Variants in PLPP1 observed in about 807,000 individuals in gnomAD.
PLPP1 encodes the protein lipid phosphate phosphohydrolase 1a.
Under a neutral mutation model 31.2 loss-of-function variants are expected in PLPP1, and 24 were observed. The observed-to-expected ratio is 0.77, with a 90% CI of 0.56 to 1.08. The LOEUF is 1.08. Among genes scored for constraint, PLPP1 ranks in the 50% least tolerant of loss-of-function variants. The pLI is 0.00. For synonymous variants in PLPP1, 146 were observed against 126.3 expected (o/e 1.16, Z -1.05); for missense variants, 319 against 342.7 (o/e 0.93, Z 0.55).
At chr5:55,505,934 G>A (rs1753265035) in intron 1 of PLPP1, among the ~76,000 whole-genome samples, 1 of 152,168 alleles carries the variant, frequency 6.6e-6, no homozygotes, top group African/African-American at 2.4e-5. Context: ...GCGCATGCCT[G>A]TGCTCCCAGC....
chr5:55,517,897 G>A (rs951026819), intron 1 of PLPP1, among the ~76,000 whole-genome samples: 1 of 152,180 alleles, frequency 6.6e-6, no homozygotes. Flanking sequence ...GCCCAGGCTG[G>A]AGTGCAGTGG....
intron 1 of PLPP1, among the ~76,000 whole-genome samples, chr5:55,512,573 A>G (rs964132583): frequency 5.3e-5 from 8 of 150,138 alleles, no homozygotes; most frequent in African/African-American, 1.7e-4. Flanking sequence ...AGAAAGAAAG[A>G]AAGGTAACAT....
intron 3 of PLPP1, among the ~76,000 whole-genome samples, chr5:55,444,134 T>G (rs7705476): frequency 5.5e-4 from 83 of 149,788 alleles, no homozygotes; most frequent in African/African-American, 1.9e-3. Flanking sequence ...CAGACTGGAG[T>G]GCAGTGGTGC....
At chr5:55,458,662 T>C (rs1231122403) in intron 3 of PLPP1, among the ~76,000 whole-genome samples, 18 of 151,580 alleles carry the variant, frequency 1.2e-4, no homozygotes, top group Admixed American at 1.2e-3. Context: ...CCAAGGTGGG[T>C]GGATCACCTG....
At chr5:55,441,997 T>C in intron 3 of PLPP1, 89 bp from the exon 4 acceptor site, 2 of 1,227,164 alleles carry the variant, frequency 1.6e-6, no homozygotes, top group Non-Finnish European at 2.4e-6. Context: ...AGTTTCAGAG[T>C]GTACACAACT....
intron 5 of PLPP1, 189 bp downstream of exon 5, chr5:55,425,674 C>CTAAGT (rs1554035908): frequency 8.8e-5 from 45 of 512,556 alleles, no homozygotes; most frequent in African/African-American, 8.4e-4. Flanking sequence ...TACAAAACTA[C>CTAAGT]TAAGTTTTAG....
chr5:55,527,766 G>A (rs1740518412), intron 1 of PLPP1, among the ~76,000 whole-genome samples: 1 of 152,196 alleles, frequency 6.6e-6, no homozygotes, highest in South Asian at 2.1e-4. Flanking sequence ...GCTAGGGAAG[G>A]GTTATTAGAA....
At chr5:55,438,312 C>T (rs554393544) in intron 4 of PLPP1, among the ~76,000 whole-genome samples, 87 of 152,274 alleles carry the variant, frequency 5.7e-4, no homozygotes, top group African/African-American at 2.0e-3. Flanking sequence ...CTCCCGCAGG[C>T]CTGGGAGGTT....
chr5:55,483,267 T>A (rs1222980605), intron 1 of PLPP1, among the ~76,000 whole-genome samples: 3 of 152,194 alleles, frequency 2.0e-5, no homozygotes, highest in African/African-American at 7.2e-5. Flanking sequence ...ATAGTGAAAA[T>A]CTGATTAATC....
intron 1 of PLPP1, chr5:55,484,770 G>A (rs1752741917): frequency 6.6e-6 from 1 of 152,172 alleles, no homozygotes; most frequent in Admixed American, 6.5e-5. Context: ...CATGTGATTA[G>A]GGGGACAGGG....
rs772238128 is a variant in PLPP1, at chr5:55,428,337, C to T, written c.550-2298G>A. Among the ~76,000 whole-genome samples the T allele has an allele frequency of 4.9e-4, 75 of 152,262 alleles. 1 individual carries two copies. Among genetic ancestry groups the T allele is most frequent in the Non-Finnish European group, 5.9e-4 (40 of 68,014 alleles). On this transcript the variant is annotated intron_variant, in intron 4 of 5. Coordinates refer to ENST00000307259, the MANE Select transcript of PLPP1 (RefSeq NM_003711.4). ...TTCCTATGTGCCCATACTGCGTTTC[C>T]CTGGGTCAGGGTACTCGGTGTAGCT...
At chr5:55,462,662 A>G (rs1421267972) in intron 3 of PLPP1, among the ~76,000 whole-genome samples, 1 of 152,212 alleles carries the variant, frequency 6.6e-6, no homozygotes, top group Non-Finnish European at 1.5e-5. Context: ...TTTAAGCTTG[A>G]AAAACCACCA....
chr5:55,524,668 G>A (rs562741246), intron 1 of PLPP1, among the ~76,000 whole-genome samples: 3 of 151,964 alleles, frequency 2.0e-5, no homozygotes, highest in Admixed American at 6.6e-5. Flanking sequence ...AAATTAGCCC[G>A]ACGTGGTGGT....
intron 1 of PLPP1, among the ~76,000 whole-genome samples, chr5:55,489,813 T>C (rs1752849377): frequency 6.6e-6 from 1 of 152,178 alleles, no homozygotes; most frequent in South Asian, 2.1e-4. Context: ...GTAAGTCATA[T>C]ATCTAGGAAA....
At chr5:55,470,113 TAC>T (rs1266055166) in intron 2 of PLPP1, among the ~76,000 whole-genome samples, 1 of 152,214 alleles carries the variant, frequency 6.6e-6, no homozygotes, top group Non-Finnish European at 1.5e-5. Flanking sequence ...GTCATTCCTT[TAC>T]AGTTTTGCTT....
At chr5:55,513,134 A>T (rs1003986939) in intron 1 of PLPP1, among the ~76,000 whole-genome samples, 28 of 152,196 alleles carry the variant, frequency 1.8e-4, no homozygotes, top group African/African-American at 6.5e-4. Context: ...TTCTACCCAC[A>T]AAATTCCCTT....
chr5:55,477,053 A>C (rs5002175), intron 1 of PLPP1, among the ~76,000 whole-genome samples: 129,047 of 151,052 alleles, frequency 0.85, 55,619 homozygotes, highest in South Asian at 0.92. Context: ...AAAAAAAATA[A>C]TAAACTAGAG....
intron 1 of PLPP1, among the ~76,000 whole-genome samples, chr5:55,480,028 A>C (rs2111823516): frequency 6.6e-6 from 1 of 152,344 alleles, no homozygotes; most frequent in East Asian, 1.9e-4. Context: ...TTACTTCACC[A>C]GACACAGTGT....
In PLPP1 at chr5:55,504,624, T is replaced by C. The variant is rs949254933; in HGVS notation, c.59-29174A>G. On this transcript the variant is annotated intron_variant, in intron 1 of 5. Coordinates refer to ENST00000307259, the MANE Select transcript of PLPP1 (RefSeq NM_003711.4). ...ATGCAGGGCAACATGCACCTACATATACATACACATACACACTAAAGGTCA... is the reference window on the plus strand; with the variant it reads ...ATGCAGGGCAACATGCACCTACATACACATACACATACACACTAAAGGTCA... Among the ~76,000 whole-genome samples, 3 of 149,428 alleles carry C rather than the reference T, an allele frequency of 2.0e-5. No homozygotes were observed. The East Asian group carries it at 5.9e-4, about 29-fold the overall frequency.
Sources: allele counts gnomAD v4.1 joint callset (sites outside exome capture counted in the v4.1 genomes callset), GRCh38; gene constraint gnomAD v4.1.1; transcripts MANE v1.5; gene names NCBI Gene and HGNC (gene_info 2026-07-23, HGNC 2026-07-21).